DLGAP2: variants seen among roughly 807,000 people sequenced by gnomAD.
DLGAP2 encodes DLG associated protein 2, also known as disks large-associated protein 2.
A neutral mutation model predicts 100.3 loss-of-function variants in DLGAP2; 26 were observed. The ratio of observed to expected loss-of-function variants is 0.26; its 90% CI spans 0.19 to 0.36. The LOEUF (loss-of-function observed/expected upper bound fraction) is 0.36, where lower values mean the gene tolerates loss of function less well. Ranked by LOEUF, DLGAP2 falls within the 10% of genes least tolerant of loss-of-function variation. The pLI is 1.00. For missense variants in DLGAP2, 1,858 were observed against 1,453.2 expected, an observed-to-expected ratio of 1.28 and a Z score of -4.53; for synonymous variants, 886 against 630.1, an observed-to-expected ratio of 1.41 and a Z score of -6.08.
chr8:1,372,408 C>G (rs912347331), intron 3 of DLGAP2, among the ~76,000 whole-genome samples: 4 of 152,166 alleles, frequency 2.6e-5, no homozygotes, highest in African/African-American at 9.7e-5. Context: ...CCGTCTTGCC[C>G]TCACTCCTCC....
At chr8:1,505,393 T>C (rs900785433) in intron 4 of DLGAP2, among the ~76,000 whole-genome samples, 1 of 152,208 alleles carries the variant, frequency 6.6e-6, no homozygotes, top group Admixed American at 6.5e-5. Context: ...ATCTTTTTTT[T>C]CCAACTCCCC....
rs146352408 is a variant in DLGAP2 at position 1,139,098 on chromosome 8, G to A, written c.74-119753G>A. Among the ~76,000 whole-genome samples the A allele has an allele frequency of 2.3e-3, 349 of 152,360 alleles. 1 individual carries two copies. The highest frequency in any genetic ancestry group is 7.5e-3 in the African/African-American group (313 of 41,592). ...CCTGGTTGTTCAGGTGTTTCCTCGG[G>A]TGATGACTGTTTCCTGAGCGCCTGC... On this transcript the variant is annotated intron_variant, in intron 2 of 14. Transcript: ENST00000637795.
chr8:1,272,138 G>A (rs556539384), intron 3 of DLGAP2, among the ~76,000 whole-genome samples: 11 of 152,132 alleles, frequency 7.2e-5, no homozygotes, highest in South Asian at 2.1e-4. Context: ...ATTATTCTCC[G>A]TTTTCTCAAA....
intron 1 of DLGAP2, among the ~76,000 whole-genome samples, chr8:875,927 C>T (rs1395038369): frequency 1.3e-5 from 2 of 152,082 alleles, no homozygotes; most frequent in African/African-American, 4.8e-5. Flanking sequence ...CTATGTTTCC[C>T]CTCTTCTGTG....
intron 2 of DLGAP2, among the ~76,000 whole-genome samples, chr8:1,048,320 A>T (rs1802572026): frequency 1.3e-5 from 2 of 152,106 alleles, no homozygotes; most frequent in South Asian, 4.2e-4. Context: ...GCAGGAAGTA[A>T]ATCAAGGTGA....
In DLGAP2 at chr8:1,416,629, T is replaced by C. The variant is rs567703064; in HGVS notation, c.107-84737T>C. The stretch of plus-strand genomic sequence containing the variant: ...CGAACAGTTTTTTGTCACCTCAACA[T>C]AGAAATATCAACATGGAAACTCTGT... On this transcript the variant is annotated intron_variant, in intron 3 of 14. Coordinates refer to ENST00000637795, the MANE Select transcript of DLGAP2 (RefSeq NM_001346810.2). Among the ~76,000 whole-genome samples the C allele has an allele frequency of 2.6e-5, 4 of 152,232 alleles. No homozygotes were observed. In the East Asian group the frequency reaches 7.8e-4, roughly 30 times the overall value.
chr8:1,376,126 C>T (rs1802381546), intron 3 of DLGAP2, among the ~76,000 whole-genome samples: 1 of 150,854 alleles, frequency 6.6e-6, no homozygotes, highest in Admixed American at 6.6e-5. Context: ...CAGAACTGAG[C>T]CCCCACCTCC....
At chr8:1,616,798 C>G (rs548728464) in intron 6 of DLGAP2, among the ~76,000 whole-genome samples, 1 of 634 alleles carries the variant, frequency 1.6e-3, no homozygotes, top group South Asian at 0.1. Context: ...GGTAAACTCA[C>G]GTCATGTGGG....
intron 3 of DLGAP2, among the ~76,000 whole-genome samples, chr8:1,467,097 G>C (rs1024843114): frequency 2.0e-5 from 3 of 151,784 alleles, no homozygotes; most frequent in African/African-American, 7.3e-5. Flanking sequence ...GTCAGTCCCA[G>C]ATCCAGCCAG....
chr8:1,362,710 A>G (rs1041966744), intron 3 of DLGAP2, among the ~76,000 whole-genome samples: 4 of 152,120 alleles, frequency 2.6e-5, no homozygotes, highest in African/African-American at 7.2e-5. Context: ...TTTTCCGCCC[A>G]TTTGCTTTTT....
rs115158895 is a variant in DLGAP2 at position 1,216,374 on chromosome 8, G to T, written c.74-42477G>T. Among the ~76,000 whole-genome samples the T allele has an allele frequency of 5.9e-3, 899 of 152,054 alleles. 7 individuals carry two copies. Among genetic ancestry groups the T allele is most frequent in the African/African-American group, 0.02 (820 of 41,480 alleles). On this transcript the variant is annotated intron_variant, in intron 2 of 14. Coordinates refer to ENST00000637795, the MANE Select transcript of DLGAP2 (RefSeq NM_001346810.2). Reference sequence around the variant, plus strand: ...CTAATTGTTTTTTTGTAAGGGGCAGGGTCTCACTCTGTTGCCCAGGCTGGA... The same window carrying T: ...CTAATTGTTTTTTTGTAAGGGGCAGTGTCTCACTCTGTTGCCCAGGCTGGA...
At chr8:1,520,025 T>C in intron 4 of DLGAP2, among the ~76,000 whole-genome samples, 1 of 152,194 alleles carries the variant, frequency 6.6e-6, no homozygotes, top group Non-Finnish European at 1.5e-5. Flanking sequence ...GGGCCATCGC[T>C]GTTGGCTGCA....
At chr8:1,140,105 T>C (rs547379946) in intron 2 of DLGAP2, among the ~76,000 whole-genome samples, 37 of 152,288 alleles carry the variant, frequency 2.4e-4, no homozygotes, top group African/African-American at 8.7e-4. Flanking sequence ...AGAAGAATCA[T>C]CTCCCATTTC....
intron 4 of DLGAP2, among the ~76,000 whole-genome samples, chr8:1,522,785 C>T (rs1014104518): frequency 6.6e-6 from 1 of 152,116 alleles, no homozygotes; most frequent in African/African-American, 2.4e-5. Flanking sequence ...ATAAATGAAT[C>T]AGGTTAATTA....
intron 2 of DLGAP2, among the ~76,000 whole-genome samples, chr8:1,170,024 A>G (rs1797095417): frequency 6.6e-6 from 1 of 151,748 alleles, no homozygotes; most frequent in African/African-American, 2.4e-5. Context: ...TGGGTTTGTC[A>G]TAGATAGCTC....
rs75826364 is a variant in DLGAP2, at chr8:893,935, G to A, written c.19-13977G>A. Among the ~76,000 whole-genome samples, 834 of 152,308 alleles carry A rather than the reference G, an allele frequency of 5.5e-3. 6 individuals are homozygous for A. Among genetic ancestry groups the A allele is most frequent in the African/African-American group, 0.019 (793 of 41,572 alleles). ...TTACTGTTGAAGCATTGGGAGGTTC[G>A]GCGTCTCCGAGTAGCTCAGCCTTCT... On this transcript the variant is annotated intron_variant, in intron 1 of 14. Transcript: ENST00000637795.
At chr8:1,311,187 G>C (rs1270331003) in intron 3 of DLGAP2, among the ~76,000 whole-genome samples, 2 of 152,146 alleles carry the variant, frequency 1.3e-5, no homozygotes, top group South Asian at 4.2e-4. Context: ...GGATGACATG[G>C]ACAAATTTAT....
At chr8:768,630 T>A (rs1398259624) in intron 1 of DLGAP2, among the ~76,000 whole-genome samples, 1 of 151,854 alleles carries the variant, frequency 6.6e-6, no homozygotes, top group East Asian at 1.9e-4. Context: ...TTCACCATGT[T>A]AGCCAGGATG....
At chr8:979,597 C>G (rs144314891) in intron 2 of DLGAP2, among the ~76,000 whole-genome samples, 56 of 152,308 alleles carry the variant, frequency 3.7e-4, no homozygotes, top group African/African-American at 1.3e-3. Context: ...GGAGTAATTT[C>G]TCATTATCAG....
Sources: gnomAD v4.1 joint callset for allele counts (sites outside exome capture counted in the v4.1 genomes callset) on GRCh38, gnomAD v4.1.1 for gene constraint, MANE v1.5 for transcripts, NCBI Gene and HGNC (gene_info 2026-07-23, HGNC 2026-07-21) for gene names.